Variants in SCUBE3 observed in about 807,000 individuals in gnomAD.
SCUBE3 encodes signal peptide, CUB and EGF-like domain-containing protein 3.
Under a neutral mutation model 116.8 loss-of-function variants are expected in SCUBE3, and 33 were observed. The ratio of observed to expected loss-of-function variants is 0.28; its 90% CI spans 0.21 to 0.38. SCUBE3 has a LOEUF of 0.38. SCUBE3 is among the 10% of genes least tolerant of loss of function. SCUBE3 has a pLI of 1.00. For synonymous variants in SCUBE3, 418 were observed against 496.9 expected, an observed-to-expected ratio of 0.84 and a Z score of 2.11; for missense variants, 1,007 against 1,324.8, an observed-to-expected ratio of 0.76 and a Z score of 3.72.
Position 35,242,682 on chromosome 6 carries a change from G to A in SCUBE3, c.1595G>A (p.Arg532Gln), listed in dbSNP as rs201494412. 123 of 1,614,014 alleles carry A rather than the reference G, an allele frequency of 7.6e-5. 1 individual carries two copies. The highest frequency in any genetic ancestry group is 4.8e-4 in the Admixed American group (29 of 60,010). ...TFIHLKCDSS[R>Q]KGKGRRARTP... ...ATCCACCTTAAGTGTGACTCCTCTC[G>A]GAAGGGCAAGGGCCGACGGGCCCGG... The change falls in exon 14 of 22, where the codon CGG becomes CAG. Residue 532 changes from arginine to glutamine, a missense_variant. Arg to Gln is a conservative substitution (Grantham distance 43). This residue lies in a region of SCUBE3 where 544 missense variants were observed against 638.9 expected (regional missense o/e 0.85). Coordinates refer to ENST00000274938, the MANE Select transcript of SCUBE3 (RefSeq NM_152753.4).
chr6:35,233,207 C>T lies in SCUBE3; in HGVS notation c.618C>T (p.Gly206=), dbSNP rs1263395107. The change falls in exon 6 of 22, where the codon GGC becomes GGT. Residue 206 remains glycine, a synonymous_variant. Coordinates refer to ENST00000274938, the MANE Select transcript of SCUBE3 (RefSeq NM_152753.4). This position sits in a 1 kb window ranked among gnomAD's most constrained non-coding sequence, Gnocchi z 5.7. The part of the protein sequence containing the change: ...DCKLTCNYGN[G]GCQHTCDDTE... The stretch of plus-strand genomic sequence containing the variant: ...CAGTGACATGCAACTATGGTAACGG[C>T]GGCTGCCAGCACACGTGTGATGACA... 6 of 1,613,216 alleles carry T rather than the reference C, an allele frequency of 3.7e-6. No individual in the cohort carries two copies. Among genetic ancestry groups the T allele is most frequent in the Non-Finnish European group, 5.1e-6 (6 of 1,179,280 alleles).
chr6:35,238,079 A>T (rs1169274302), intron 7 of SCUBE3, 61 bp downstream of exon 7: 1 of 958,276 alleles, frequency 1.0e-6, no homozygotes, highest in Admixed American at 1.9e-5. Context: ...GGTTGGGACC[A>T]GAGATAGGGT....
At position 35,246,211 on chromosome 6, in the gene SCUBE3, T is replaced by C; in HGVS notation, c.2758T>C (p.Tyr920His). 1 of 1,614,124 alleles carries C rather than the reference T, an allele frequency of 6.2e-7. No homozygotes were observed. The highest frequency in any genetic ancestry group is 1.3e-5 in the African/African-American group (1 of 75,050). Residue 920 changes from tyrosine to histidine, a missense_variant, in exon 21 of 22, where the codon TAT becomes CAT. Tyr to His is a moderately conservative substitution (Grantham distance 83). Coordinates refer to ENST00000274938, the MANE Select transcript of SCUBE3 (RefSeq NM_152753.4). Reference sequence around the variant, plus strand: ...CACCTTGGTTGACTTTGCAGAGGACTATGAGCAGCTGGTAGAAGACATTGT... The same window carrying C: ...CACCTTGGTTGACTTTGCAGAGGACCATGAGCAGCTGGTAGAAGACATTGT... ...QIPYVTYDEDYEQLVEDIVRD... is the reference protein window; with the variant it reads ...QIPYVTYDEDHEQLVEDIVRD...
At position 35,231,946 on chromosome 6, in the gene SCUBE3, C is replaced by T. The variant is rs896680605; in HGVS notation, c.469+87C>T. The T allele has an allele frequency of 2.6e-6, 3 of 1,172,348 alleles. No homozygotes were observed. In the Admixed American group the frequency reaches 6.1e-5, roughly 24 times the overall value. 72.6% of individuals were successfully genotyped at this position (1,172,348 alleles called of 1,614,324 possible). On this transcript the variant is annotated intron_variant, in intron 4 of 21. Coordinates refer to ENST00000274938, the MANE Select transcript of SCUBE3 (RefSeq NM_152753.4). The surrounding 1 kb of genome is among the most constrained non-coding windows in gnomAD (Gnocchi z 4.2). ...CCCTCAGCAGCCCCTAAGTCTCACC[C>T]TCCATTCTCAACTCAGCTAGCTCCT...
intron 3 of SCUBE3, among the ~76,000 whole-genome samples, chr6:35,229,567 C>G (rs947613771): frequency 6.6e-6 from 1 of 152,080 alleles, no homozygotes; most frequent in Non-Finnish European, 1.5e-5. Flanking sequence ...CATCCCTATG[C>G]CCCAGGAAGC....
rs1782814223 is a variant in SCUBE3 at position 35,214,627 on chromosome 6, GC to G, written c.85+125del. On this transcript the variant is annotated intron_variant, in intron 1 of 21. Transcript: ENST00000274938. This position sits in a 1 kb window ranked among gnomAD's most constrained non-coding sequence, Gnocchi z 6.3. ...TGCTGCTGTCAGAACCCGGCTCTGT[GC>G]ACCCGGACTCCCCGGCCAGGGGCCC... The G allele has an allele frequency of 5.6e-5, 30 of 539,378 alleles. No individual in the cohort carries two copies. In the South Asian group the frequency reaches 1.8e-3, roughly 33 times the overall value. The allele number at this position is 539,378 out of a possible 1,614,324, so 33.4% of individuals were successfully genotyped here.
chr6:35,246,411 C>T, intron 21 of SCUBE3, 126 bp downstream of exon 21: 1 of 706,486 alleles, frequency 1.4e-6, no homozygotes, highest in Non-Finnish European at 2.4e-6. Context: ...GAGGTAGGTG[C>T]TTTCTCCATT....
At chr6:35,242,073 C>T in intron 12 of SCUBE3, 131 bp from the exon 13 acceptor site, 1 of 846,186 alleles carries the variant, frequency 1.2e-6, no homozygotes, top group Non-Finnish European at 2.0e-6. Context: ...AACATCTGAT[C>T]CCCTTGACTT....
intron 3 of SCUBE3, among the ~76,000 whole-genome samples, chr6:35,230,952 G>A (rs1783522300): frequency 6.6e-6 from 1 of 152,212 alleles, no homozygotes; most frequent in African/African-American, 2.4e-5. Flanking sequence ...GGGGGCTCCA[G>A]GGTGAGCTTG....
At position 35,241,490 on chromosome 6, in the gene SCUBE3, C is replaced by G; in HGVS notation, c.1196-53C>G. The G allele has an allele frequency of 4.5e-6, 6 of 1,330,996 alleles. No individual in the cohort carries two copies. The South Asian group carries it at 7.0e-5, about 16-fold the overall frequency. The allele number at this position is 1,330,996 out of a possible 1,614,324, so 82.4% of individuals were successfully genotyped here. ...AAGTAGCTGATTCCTCCAAATTACC[C>G]AACTGAGGGAAAGGAATGCATTCAT... is the stretch of plus-strand genomic sequence containing the variant. On this transcript the variant is annotated intron_variant, in intron 10 of 21. Coordinates refer to ENST00000274938, the MANE Select transcript of SCUBE3 (RefSeq NM_152753.4). The surrounding 1 kb of genome is among the most constrained non-coding windows in gnomAD (Gnocchi z 4.1).
chr6:35,227,808 A>C, intron 2 of SCUBE3, 106 bp downstream of exon 2: 117 of 1,063,966 alleles, frequency 1.1e-4, no homozygotes, highest in East Asian at 2.0e-4. Context: ...TAGAAATTCC[A>C]CTGGTCAAGT....
At chr6:35,238,547 C>G (rs1274481004) in intron 7 of SCUBE3, among the ~76,000 whole-genome samples, 1 of 152,192 alleles carries the variant, frequency 6.6e-6, no homozygotes, top group African/African-American at 2.4e-5. Context: ...TGATCCTGGA[C>G]AAGTCACTTA....
rs1349974908 is a variant in SCUBE3 at position 35,231,898 on chromosome 6, C to T, written c.469+39C>T. 4 of 1,566,072 alleles carry T rather than the reference C, an allele frequency of 2.6e-6. No individual in the cohort carries two copies. In the Admixed American group the frequency reaches 5.1e-5, roughly 20 times the overall value. ...CTGGGATGGCCCCATCCCTGCCCTC[C>T]CCAGGCTTCTCTTCCCAGCTGTCCC... On this transcript the variant is annotated intron_variant, in intron 4 of 21. Coordinates refer to ENST00000274938, the MANE Select transcript of SCUBE3 (RefSeq NM_152753.4). The surrounding 1 kb of genome is among the most constrained non-coding windows in gnomAD (Gnocchi z 4.2).
Position 35,248,972 on chromosome 6 carries a change from A to G in SCUBE3, c.*267A>G, listed in dbSNP as rs1259323829. On this transcript the variant is annotated 3_prime_UTR_variant, in exon 22 of 22. Transcript: ENST00000274938. ...ACTGGCTCTAGTCCCCGTGAGATGT[A>G]AAGAAACAGTACAGCCCCTTCCACT... is the stretch of plus-strand genomic sequence containing the variant. The G allele has an allele frequency of 4.4e-6, 2 of 459,422 alleles. No individual in the cohort carries two copies. Among genetic ancestry groups the G allele is most frequent in the East Asian group, 8.1e-5 (2 of 24,580 alleles). The allele number at this position is 459,422 out of a possible 1,614,324, so 28.5% of individuals were successfully genotyped here.
Position 35,219,407 on chromosome 6 carries a change from G to A in SCUBE3, c.85+4904G>A, listed in dbSNP as rs1783042174. Among the ~76,000 whole-genome samples, 1 of 152,160 alleles carries A rather than the reference G, an allele frequency of 6.6e-6. No individual in the cohort carries two copies. The highest frequency in any genetic ancestry group is 2.1e-4 in the South Asian group (1 of 4,836). ...GCAGATCAAGCACTGCTTTGTAGTT[G>A]CTGTTAGATGCTGTGCTTTGGCTGA... On this transcript the variant is annotated intron_variant, in intron 1 of 21. Transcript: ENST00000274938. This position sits in a 1 kb window ranked among gnomAD's most constrained non-coding sequence, Gnocchi z 4.7.
chr6:35,248,996 CTGCCCATTTT>C lies in SCUBE3; in HGVS notation c.*292_*301del. ...TAAAGAAACAGTACAGCCCCTTCCA[CTGCCCATTTT>C]ACCAGCTCACATTCCCGACCCCATC... On this transcript the variant is annotated 3_prime_UTR_variant, in exon 22 of 22. Transcript: ENST00000274938. 3.1e-6 allele frequency: 1 copy of C among 324,236 alleles called. No homozygotes were observed. The highest frequency in any genetic ancestry group is 6.0e-5 in the South Asian group (1 of 16,668). The allele number at this position is 324,236 out of a possible 1,614,324, so 20.1% of individuals were successfully genotyped here.
At position 35,214,704 on chromosome 6, in the gene SCUBE3, CAG is replaced by C. The variant is rs1204340001; in HGVS notation, c.85+206_85+207del. 6.6e-6 allele frequency among the ~76,000 whole-genome samples: 1 copy of C among 152,208 alleles called. No individual in the cohort carries two copies. The highest frequency in any genetic ancestry group is 2.4e-5 in the African/African-American group (1 of 41,462). ...GAAAAGCCGGACAAGCTGGGGGCGG[CAG>C]AGAGGAGTGAGAAACTCTTGGGGGC... On this transcript the variant is annotated intron_variant, in intron 1 of 21. Transcript: ENST00000274938. The surrounding 1 kb of genome is among the most constrained non-coding windows in gnomAD (Gnocchi z 6.3).
At chr6:35,242,490 CAACT>C (rs1784117438) in intron 13 of SCUBE3, 128 bp from the exon 14 acceptor site, 1 of 959,166 alleles carries the variant, frequency 1.0e-6, no homozygotes, top group Non-Finnish European at 1.6e-6. Flanking sequence ...TCCCCTCCAC[CAACT>C]AATTAGGACC....
At chr6:35,223,207 A>C (rs1783181263) in intron 1 of SCUBE3, 2 of 152,222 alleles carry the variant, frequency 1.3e-5, no homozygotes, top group Admixed American at 6.5e-5. Context: ...AGAAAGAAAA[A>C]AATAGCAAAC....
Sources: allele counts gnomAD v4.1 joint callset (sites outside exome capture counted in the v4.1 genomes callset), GRCh38; gene constraint gnomAD v4.1.1; regional missense constraint gnomAD v4.1.1; non-coding constraint Gnocchi (gnomAD v3.1); transcripts MANE v1.5; gene names NCBI Gene and HGNC (gene_info 2026-07-23, HGNC 2026-07-21).